WDPCP: variants seen among roughly 807,000 people sequenced by gnomAD.
WDPCP encodes the protein WD repeat containing planar cell polarity effector.
Under a neutral mutation model 93.1 loss-of-function variants are expected in WDPCP, and 71 were observed. The observed-to-expected ratio is 0.76, with a 90% CI of 0.63 to 0.93. The LOEUF (loss-of-function observed/expected upper bound fraction) is 0.93. Among genes scored for constraint, WDPCP ranks in the 40% least tolerant of loss-of-function variants. The pLI is 0.00. For synonymous variants in WDPCP, 315 were observed against 315.0 expected (o/e 1.00, Z 0.00); for missense variants, 844 against 887.4 (o/e 0.95, Z 0.62).
intron 3 of WDPCP, among the ~76,000 whole-genome samples, 189 bp downstream of exon 3, chr2:63,487,258 C>T (rs1017448294): frequency 1.3e-5 from 2 of 151,876 alleles, no homozygotes; most frequent in African/African-American, 4.8e-5. Flanking sequence ...AGCATTTTCT[C>T]GATACTACTT....
At chr2:63,220,708 A>T (rs1401168200) in intron 14 of WDPCP, among the ~76,000 whole-genome samples, 2 of 152,066 alleles carry the variant, frequency 1.3e-5, no homozygotes, top group Non-Finnish European at 2.9e-5. Context: ...TTCTTTTTTT[A>T]AATTTAATTT....
intron 14 of WDPCP, among the ~76,000 whole-genome samples, chr2:63,225,672 A>G (rs1323797906): frequency 6.6e-6 from 1 of 151,946 alleles, no homozygotes; most frequent in Admixed American, 6.6e-5. Flanking sequence ...GATAATATAC[A>G]TAACAATATG....
chr2:63,760,087 G>A (rs1042300050), intron 2 of WDPCP, among the ~76,000 whole-genome samples: 3 of 152,172 alleles, frequency 2.0e-5, no homozygotes, highest in Non-Finnish European at 4.4e-5. Context: ...GACTGTGAAT[G>A]AGCCTGGGCT....
chr2:63,693,677 G>A (rs191918947), intron 2 of WDPCP, among the ~76,000 whole-genome samples: 1 of 152,234 alleles, frequency 6.6e-6, no homozygotes, highest in African/African-American at 2.4e-5. Flanking sequence ...CAAGTAGGAG[G>A]GAGCAGATTT....
chr2:63,302,592 T>A (rs1685415333), intron 13 of WDPCP, among the ~76,000 whole-genome samples: 1 of 152,196 alleles, frequency 6.6e-6, no homozygotes. Flanking sequence ...AAAAATTTCT[T>A]ACCAGTTGGG....
At chr2:63,605,184 G>T in intron 3 of WDPCP, 1 of 803,864 alleles carries the variant, frequency 1.2e-6, no homozygotes, top group Non-Finnish European at 2.1e-6. Context: ...ATTAAGCTCT[G>T]GTCATAGCTT....
At chr2:63,186,796 T>C (rs1029714700) in intron 14 of WDPCP, among the ~76,000 whole-genome samples, 1 of 151,688 alleles carries the variant, frequency 6.6e-6, no homozygotes, top group African/African-American at 2.4e-5. Context: ...TGTGCACTGT[T>C]TTGTGTGTGT....
At chr2:63,633,465 G>A (rs955914903) in intron 3 of WDPCP, among the ~76,000 whole-genome samples, 8 of 152,066 alleles carry the variant, frequency 5.3e-5, no homozygotes, top group Non-Finnish European at 1.0e-4. Context: ...AAATGGAGGC[G>A]AGTAAAAGAG....
At chr2:63,250,618 C>T (rs1337586223) in intron 14 of WDPCP, among the ~76,000 whole-genome samples, 6 of 152,068 alleles carry the variant, frequency 3.9e-5, no homozygotes, top group Non-Finnish European at 8.8e-5. Flanking sequence ...ATAAAAATCT[C>T]AAGTTCTGTG....
At chr2:63,774,486 T>G (rs981577381) in intron 2 of WDPCP, among the ~76,000 whole-genome samples, 2 of 152,180 alleles carry the variant, frequency 1.3e-5, no homozygotes, top group Non-Finnish European at 2.9e-5. Flanking sequence ...CACCTATGTG[T>G]GTATATTTTT....
chr2:63,281,910 G>T (rs922862914), intron 13 of WDPCP, among the ~76,000 whole-genome samples: 10 of 151,816 alleles, frequency 6.6e-5, no homozygotes, highest in African/African-American at 2.4e-4. Context: ...CAAAATCTCA[G>T]AAATCACCAC....
At chr2:63,789,861 C>T (rs1320183473) in intron 2 of WDPCP, among the ~76,000 whole-genome samples, 1 of 152,182 alleles carries the variant, frequency 6.6e-6, no homozygotes. Context: ...AATAGGATTA[C>T]ATCAAGTCCC....
chr2:63,306,941 G>A (rs1250717727), intron 13 of WDPCP, among the ~76,000 whole-genome samples: 1 of 152,198 alleles, frequency 6.6e-6, no homozygotes, highest in African/African-American at 2.4e-5. Flanking sequence ...AGGAAGAGAG[G>A]AAGTTAAATT....
At chr2:63,369,486 G>A (rs745963614) in intron 12 of WDPCP, 27 of 456,456 alleles carry the variant, frequency 5.9e-5, no homozygotes, top group African/African-American at 2.2e-4. Context: ...AGAAGACAGC[G>A]AGGAGTTACA....
At chr2:63,824,995 G>A (rs1329109922) in intron 1 of WDPCP, among the ~76,000 whole-genome samples, 1 of 151,970 alleles carries the variant, frequency 6.6e-6, no homozygotes, top group Non-Finnish European at 1.5e-5. Context: ...ATTTGTGAAA[G>A]GTATTATAAT....
intron 14 of WDPCP, among the ~76,000 whole-genome samples, chr2:63,210,963 C>G (rs961529902): frequency 3.3e-5 from 5 of 152,176 alleles, no homozygotes; most frequent in African/African-American, 1.2e-4. Flanking sequence ...CCAGGAAGCT[C>G]GAAATGGGTG....
intron 2 of WDPCP, among the ~76,000 whole-genome samples, chr2:63,766,334 ATT>A (rs1326617403): frequency 6.9e-6 from 1 of 145,478 alleles, no homozygotes; most frequent in African/African-American, 2.5e-5. Flanking sequence ...CAAATATTAA[ATT>A]TTTTTTTTTT....
At chr2:63,557,966 A>G (rs911935770) in intron 1 of WDPCP, among the ~76,000 whole-genome samples, 4 of 152,328 alleles carry the variant, frequency 2.6e-5, no homozygotes, top group East Asian at 1.9e-4. Flanking sequence ...AAGAGAAAAC[A>G]TAACAGAATC....
intron 10 of WDPCP, among the ~76,000 whole-genome samples, chr2:63,390,849 G>T (rs903674297): frequency 6.6e-6 from 1 of 152,190 alleles, no homozygotes; most frequent in Non-Finnish European, 1.5e-5. Context: ...GAAAGAAGTT[G>T]AATCTCTGAA....
Sources: gnomAD v4.1 joint callset for allele counts (sites outside exome capture counted in the v4.1 genomes callset) on GRCh38, gnomAD v4.1.1 for gene constraint, MANE v1.5 for transcripts, NCBI Gene and HGNC (gene_info 2026-07-23, HGNC 2026-07-21) for gene names.